GORAB: variants seen among roughly 807,000 people sequenced by gnomAD.
GORAB encodes the protein golgin, RAB6 interacting.
Under a neutral mutation model 29.9 loss-of-function variants are expected in GORAB, and 17 were observed. That is an observed-to-expected ratio of 0.57 (90% CI 0.39 to 0.85). The LOEUF (loss-of-function observed/expected upper bound fraction) is 0.85. Ranked by LOEUF, GORAB falls within the 40% of genes least tolerant of loss-of-function variation. The pLI is 0.00. For synonymous variants in GORAB, 183 were observed against 157.2 expected, an observed-to-expected ratio of 1.16 and a Z score of -1.23; for missense variants, 442 against 437.8, an observed-to-expected ratio of 1.01 and a Z score of -0.09.
chr1:170,551,673 A>G (rs962528711), intron 4 of GORAB, among the ~76,000 whole-genome samples: 2 of 152,160 alleles, frequency 1.3e-5, no homozygotes, highest in Non-Finnish European at 2.9e-5. Flanking sequence ...TGGAAATGTA[A>G]ACGCTACAAA....
At chr1:170,533,178 TG>T (rs929818499) in intron 1 of GORAB, among the ~76,000 whole-genome samples, 6 of 152,222 alleles carry the variant, frequency 3.9e-5, no homozygotes, top group African/African-American at 1.4e-4. Flanking sequence ...GTAAACCTTT[TG>T]TTAGCGTTTG....
At chr1:170,543,064 A>G (rs1649533450) in intron 3 of GORAB, among the ~76,000 whole-genome samples, 1 of 152,202 alleles carries the variant, frequency 6.6e-6, no homozygotes, top group Admixed American at 6.5e-5. Context: ...CGCCTCCACA[A>G]GTAGAAGATA....
intron 1 of GORAB, chr1:170,538,985 A>T: frequency 1.8e-6 from 1 of 570,774 alleles, no homozygotes; most frequent in Non-Finnish European, 3.1e-6. Context: ...CTGAAGATAA[A>T]TTAAGAGATG....
chr1:170,538,120 T>G (rs147970820), intron 1 of GORAB, among the ~76,000 whole-genome samples: 1 of 152,348 alleles, frequency 6.6e-6, no homozygotes, highest in Non-Finnish European at 1.5e-5. Flanking sequence ...ACCAACTTCA[T>G]GCATTAAGTA....
At chr1:170,545,153 G>T in intron 4 of GORAB, 1 of 1,048,942 alleles carries the variant, frequency 9.5e-7, no homozygotes, top group Non-Finnish European at 1.2e-6. Context: ...TCATCTTTCA[G>T]CATCTAGCAA....
intron 2 of GORAB, among the ~76,000 whole-genome samples, chr1:170,540,366 T>G (rs1219939612): frequency 6.6e-6 from 1 of 152,196 alleles, no homozygotes; most frequent in Non-Finnish European, 1.5e-5. Context: ...CTTATTTCTT[T>G]GTTTGCTCCT....
Position 170,544,839 on chromosome 1 carries a change from A to G in GORAB, c.656A>G (p.Tyr219Cys). ...RIDQASLDYSYARKRFDRAEA... is the reference protein window; with the variant it reads ...RIDQASLDYSCARKRFDRAEA... ...GATCAGGCCAGCTTAGACTATTCAT[A>G]CGCTCGGTGAGTTGGGGAAATTGAA... Residue 219 changes from tyrosine to cysteine, a missense_variant, in exon 4 of 5, where the codon TAC becomes TGC. Transcript: ENST00000367763. The G allele has an allele frequency of 6.2e-7, 1 of 1,608,802 alleles. No individual in the cohort carries two copies. Among genetic ancestry groups the G allele is most frequent in the African/African-American group, 1.3e-5 (1 of 74,968 alleles).
rs1341496771 is a variant in GORAB, at chr1:170,553,163, A to G, written c.*701A>G. The G allele has an allele frequency of 4.6e-6, 2 of 432,748 alleles. No homozygotes were observed. The highest frequency in any genetic ancestry group is 9.1e-6 in the Non-Finnish European group (2 of 219,034). 26.8% of individuals were successfully genotyped at this position (432,748 alleles called of 1,614,324 possible). On this transcript the variant is annotated 3_prime_UTR_variant, in exon 5 of 5. Coordinates refer to ENST00000367763, the MANE Select transcript of GORAB (RefSeq NM_152281.3). Reference sequence around the variant, plus strand: ...TTATTGTCTTTCCTTTAATCGATGAATTGATTAAATTTAGACAATTAAAAC... The same window carrying G: ...TTATTGTCTTTCCTTTAATCGATGAGTTGATTAAATTTAGACAATTAAAAC...
intron 1 of GORAB, among the ~76,000 whole-genome samples, chr1:170,535,612 T>C (rs1237012811): frequency 6.6e-6 from 1 of 152,164 alleles, no homozygotes; most frequent in African/African-American, 2.4e-5. Flanking sequence ...ACGATCATAG[T>C]TCACTATAAC....
At chr1:170,535,908 A>C (rs936468570) in intron 1 of GORAB, among the ~76,000 whole-genome samples, 6 of 151,966 alleles carry the variant, frequency 3.9e-5, no homozygotes, top group Admixed American at 3.9e-4. Flanking sequence ...CAACATTTCC[A>C]TGTCTTAAGA....
intron 4 of GORAB, among the ~76,000 whole-genome samples, chr1:170,550,244 C>T (rs182200314): frequency 1.3e-4 from 20 of 152,286 alleles, no homozygotes; most frequent in Admixed American, 1.3e-3. Context: ...CACGGCATGG[C>T]CTGACACTAA....
intron 1 of GORAB, among the ~76,000 whole-genome samples, chr1:170,535,616 C>T (rs1304414685): frequency 1.3e-5 from 2 of 152,206 alleles, no homozygotes; most frequent in Non-Finnish European, 2.9e-5. Flanking sequence ...TCATAGTTCA[C>T]TATAACCTTG....
chr1:170,535,268 A>G (rs1648987340), intron 1 of GORAB, among the ~76,000 whole-genome samples: 1 of 152,238 alleles, frequency 6.6e-6, no homozygotes, highest in Admixed American at 6.5e-5. Context: ...TACTTCTACT[A>G]CTGTCATATT....
intron 1 of GORAB, 148 bp from the exon 2 acceptor site, chr1:170,539,062 G>C (rs1170693664): frequency 1.1e-6 from 1 of 937,564 alleles, no homozygotes; most frequent in Non-Finnish European, 1.6e-6. Context: ...GAAGATGGCT[G>C]TTTTTCCCCT....
In GORAB at chr1:170,552,235, G is replaced by C. The variant is rs913257; in HGVS notation, c.883G>C (p.Glu295Gln). The C allele has an allele frequency of 6.2e-7, 1 of 1,613,662 alleles. No individual in the cohort carries two copies. Among genetic ancestry groups the C allele is most frequent in the Non-Finnish European group, 8.5e-7 (1 of 1,179,848 alleles). Residue 295 changes from glutamate to glutamine, a missense_variant, in exon 5 of 5, where the codon GAA becomes CAA. Coordinates refer to ENST00000367763, the MANE Select transcript of GORAB (RefSeq NM_152281.3). ...LEVEVERLLH[E>Q]QEVESRRPVV... is the part of the protein sequence containing the mutation. ...GGTGGAGGTCGAGAGATTGCTACAC[G>C]AACAAGAAGTAGAATCAAGGAGACC...
intron 1 of GORAB, among the ~76,000 whole-genome samples, chr1:170,534,113 T>C (rs866854675): frequency 6.6e-6 from 1 of 152,182 alleles, no homozygotes; most frequent in Admixed American, 6.5e-5. Context: ...GTCTTGTTTA[T>C]AATATTAAGA....
Position 170,539,582 on chromosome 1 carries a change from G to T in GORAB, c.419+15G>T, listed in dbSNP as rs754082743. ...AAAGTGGAATTGTTAGTAAGTCTAT[G>T]TGAAAAGTCCATGAGACTTTTCATT... On this transcript the variant is annotated intron_variant, in intron 2 of 4. Transcript: ENST00000367763. 1.2e-6 allele frequency: 2 copies of T among 1,613,058 alleles called. No individual in the cohort carries two copies. Among genetic ancestry groups the T allele is most frequent in the South Asian group, 1.1e-5 (1 of 90,948 alleles).
In GORAB at chr1:170,532,200, T is replaced by G; in HGVS notation, c.-24T>G. ...CGCGGCTGCGAGATTTGGGCACTTT[T>G]GGGGGTGCCGGTGGCCCGGGCCGAT... is the stretch of plus-strand genomic sequence containing the variant. On this transcript the variant is annotated 5_prime_UTR_variant, in exon 1 of 5. Transcript: ENST00000367763. 1.2e-6 allele frequency: 2 copies of G among 1,613,814 alleles called. No homozygotes were observed. Among genetic ancestry groups the G allele is most frequent in the East Asian group, 2.2e-5 (1 of 44,858 alleles).
intron 2 of GORAB, among the ~76,000 whole-genome samples, chr1:170,541,531 A>T (rs531765811): frequency 6.6e-6 from 1 of 152,184 alleles, no homozygotes; most frequent in Non-Finnish European, 1.5e-5. Context: ...CTAAGGTGGA[A>T]GGTGTAGAAA....
Sources: gnomAD v4.1 joint callset for allele counts (sites outside exome capture counted in the v4.1 genomes callset) on GRCh38, gnomAD v4.1.1 for gene constraint, MANE v1.5 for transcripts, NCBI Gene and HGNC (gene_info 2026-07-23, HGNC 2026-07-21) for gene names.